ADAMTS7: variants seen among roughly 807,000 people sequenced by gnomAD.
The protein encoded by ADAMTS7 is ADAM metallopeptidase with thrombospondin type 1 motif 7, also known as A disintegrin and metalloproteinase with thrombospondin motifs 7.
In ADAMTS7, 89 loss-of-function variants were observed where a neutral mutation model predicts 172.6. The ratio of observed to expected loss-of-function variants is 0.52; its 90% confidence interval spans 0.43 to 0.61. The LOEUF (loss-of-function observed/expected upper bound fraction) is 0.61, where lower values mean the gene tolerates loss of function less well. Among genes scored for constraint, ADAMTS7 ranks in the 20% least tolerant of loss-of-function variants. The pLI is 0.00. For missense variants in ADAMTS7, 1,973 were observed against 2,355.6 expected, an observed-to-expected ratio of 0.84 and a Z score of 3.36; for synonymous variants, 885 against 978.4, an observed-to-expected ratio of 0.90 and a Z score of 1.78.
chr15:78,776,403 C>T (rs2055346766), intron 10 of ADAMTS7, 70 bp from the exon 11 acceptor site: 1 of 1,549,966 alleles, frequency 6.5e-7, no homozygotes, highest in South Asian at 1.2e-5. Context: ...CTAGTGAGAA[C>T]AAGGTGGGTG....
intron 4 of ADAMTS7, among the ~76,000 whole-genome samples, chr15:78,795,307 C>T (rs2055628817): frequency 6.6e-6 from 1 of 152,214 alleles, no homozygotes; most frequent in African/African-American, 2.4e-5. Context: ...TTGATCTGGG[C>T]CTTCAAGGCC....
Position 78,811,396 on chromosome 15 carries a change from G to A in ADAMTS7, c.-176C>T, listed in dbSNP as rs1015966812. The A allele has an allele frequency of 4.9e-6, 3 of 611,498 alleles. No homozygotes were observed. The highest frequency in any genetic ancestry group is 7.0e-6 in the Non-Finnish European group (3 of 427,180). 37.9% of individuals were successfully genotyped at this position (611,498 alleles called of 1,614,324 possible). On this transcript the variant is annotated 5_prime_UTR_variant, in exon 1 of 24. Transcript: ENST00000388820. The stretch of plus-strand genomic sequence containing the variant: ...GTCCGCGGGCAACAAAGGCTGCAGG[G>A]CCCGCCCCCTTGGCCGCTGCAGAGG...
chr15:78,766,575 A>G lies in ADAMTS7; in HGVS notation c.3336T>C (p.Pro1112=), dbSNP rs1237710678. ...PAAPSTGSPV[P]ATEPPAAKEE... ...CCTTGGCTGCAGGAGGCTCTGTGGC[A>G]GGCACGGGGCTACCCGTGGAGGGCG... is the stretch of plus-strand genomic sequence containing the variant. The change falls in exon 19 of 24, where the codon CCT becomes CCC. Residue 1112 remains proline (P), a synonymous_variant. Transcript: ENST00000388820. 10 of 1,604,210 alleles carry G rather than the reference A, an allele frequency of 6.2e-6. No homozygotes were observed. Among genetic ancestry groups the G allele is most frequent in the Admixed American group, 1.7e-5 (1 of 59,394 alleles).
chr15:78,766,541 C>A lies in ADAMTS7; in HGVS notation c.3370G>T (p.Val1124Leu), dbSNP rs777673887. 1.9e-6 allele frequency: 3 copies of A among 1,595,524 alleles called. No homozygotes were observed. In the East Asian group the frequency reaches 6.7e-5, roughly 36 times the overall value. Reference protein sequence around the residue: ...TEPPAAKEEGVLGPWSPSPWP... With the variant: ...TEPPAAKEEGLLGPWSPSPWP... Reference sequence around the variant, plus strand: ...GGGCTCGGGGACCAAGGTCCCAGTACCCCCTCCTCCTTGGCTGCAGGAGGC... The same window carrying A: ...GGGCTCGGGGACCAAGGTCCCAGTAACCCCTCCTCCTTGGCTGCAGGAGGC... Residue 1124 changes from valine to leucine, a missense_variant, in exon 19 of 24, where the codon GTA becomes TTA. By Grantham distance (32) the Val-to-Leu change is conservative. Transcript: ENST00000388820.
At chr15:78,764,466 T>G in intron 20 of ADAMTS7, 89 bp downstream of exon 20, 3 of 1,450,420 alleles carry the variant, frequency 2.1e-6, no homozygotes, top group Non-Finnish European at 9.1e-7. Flanking sequence ...GCCCTCCCCT[T>G]CCCTGCCGCT....
In ADAMTS7 at chr15:78,765,862, G is replaced by C; in HGVS notation, c.4049C>G (p.Pro1350Arg). 2 of 1,538,194 alleles carry C rather than the reference G, an allele frequency of 1.3e-6. No homozygotes were observed. Among genetic ancestry groups the C allele is most frequent in the African/African-American group, 1.4e-5 (1 of 73,368 alleles). The change falls in exon 19 of 24, where the codon CCT becomes CGT. Residue 1350 changes from proline to arginine, a missense_variant. Pro to Arg is a moderately radical substitution (Grantham distance 103). Transcript: ENST00000388820. Reference protein sequence around the residue: ...TLTGLGHMPEPALNPGPKGQP... With the variant: ...TLTGLGHMPERALNPGPKGQP... ...ACCCTTGGGTCCTGGGTTCAGGGCAGGCTCAGGCATGTGCCCGAGGCCAGT... is the reference window on the plus strand; with the variant it reads ...ACCCTTGGGTCCTGGGTTCAGGGCACGCTCAGGCATGTGCCCGAGGCCAGT...
intron 1 of ADAMTS7, among the ~76,000 whole-genome samples, chr15:78,805,458 A>G (rs543496654): frequency 6.6e-6 from 1 of 152,204 alleles, no homozygotes; most frequent in African/African-American, 2.4e-5. Context: ...TGGAGCAGTG[A>G]GTTCCCTTTA....
rs140051491 is a variant in ADAMTS7, at chr15:78,774,237, G to A, written c.1940C>T (p.Ala647Val). 35 of 1,584,666 alleles carry A rather than the reference G, an allele frequency of 2.2e-5. No homozygotes were observed. In the African/African-American group the frequency reaches 4.4e-4, roughly 20 times the overall value. Residue 647 changes from alanine to valine, a missense_variant, in exon 13 of 24, where the codon GCC becomes GTC. By Grantham distance (64) the Ala-to-Val change is moderately conservative. This residue lies in a region of ADAMTS7 where 526 missense variants were observed against 662.9 expected (regional missense o/e 0.79). Coordinates refer to ENST00000388820, the MANE Select transcript of ADAMTS7 (RefSeq NM_014272.5). ...NEYFAEKLRD[A>V]VVDGTPCYQV... ...GTAGCAGGGGGTGCCATCGACCACG[G>A]CGTCCCGCAGCTTCTCGGCAAAGTA...
chr15:78,806,477 C>G (rs558044144), intron 1 of ADAMTS7, among the ~76,000 whole-genome samples: 1 of 152,166 alleles, frequency 6.6e-6, no homozygotes, highest in Non-Finnish European at 1.5e-5. Context: ...AAATAATGCA[C>G]TATAGAGCAT....
At position 78,777,586 on chromosome 15, in the gene ADAMTS7, C is replaced by T. The variant is rs777473533; in HGVS notation, c.1325G>A (p.Arg442His). 234 of 1,603,178 alleles carry T rather than the reference C, an allele frequency of 1.5e-4. No individual in the cohort carries two copies. The highest frequency in any genetic ancestry group is 1.2e-3 in the South Asian group (103 of 89,192). Residue 442 changes from arginine (R) to histidine (H), a missense_variant and splice_region_variant, in exon 9 of 24, where the codon CGT (arginine) becomes CAT (histidine). Transcript: ENST00000388820. ...SRQYITRFLD[R>H]GWGLCLDDPP... ...GTCGTCCAGGCACAGGCCCCACCCA[C>T]GGCTAAAGATGGGACGGGAGGATGG...
At chr15:78,767,999 G>A in intron 17 of ADAMTS7, 134 bp downstream of exon 17, 1 of 559,516 alleles carries the variant, frequency 1.8e-6, no homozygotes, top group Non-Finnish European at 3.1e-6. Context: ...CCAGATGTAG[G>A]GACCTGTGGC....
At chr15:78,804,349 C>A (rs2055762477) in intron 1 of ADAMTS7, among the ~76,000 whole-genome samples, 1 of 152,200 alleles carries the variant, frequency 6.6e-6, no homozygotes, top group African/African-American at 2.4e-5. Flanking sequence ...GCTTTCCCCC[C>A]TCTTTTCCCT....
intron 1 of ADAMTS7, among the ~76,000 whole-genome samples, chr15:78,801,220 C>T (rs543850186): frequency 6.6e-6 from 1 of 152,302 alleles, no homozygotes; most frequent in East Asian, 1.9e-4. Context: ...CCTGCAATGG[C>T]GCCCATCTCA....
chr15:78,809,282 G>A (rs560010013), intron 1 of ADAMTS7, among the ~76,000 whole-genome samples: 20 of 152,272 alleles, frequency 1.3e-4, no homozygotes, highest in Non-Finnish European at 2.6e-4. Flanking sequence ...AACATTCAGT[G>A]GTAGGAGGAG....
At chr15:78,772,242 C>A (rs1172667915) in intron 14 of ADAMTS7, among the ~76,000 whole-genome samples, 1 of 152,234 alleles carries the variant, frequency 6.6e-6, no homozygotes, top group Non-Finnish European at 1.5e-5. Context: ...CAGCACCTCA[C>A]ATGTGTAAGC....
At position 78,788,231 on chromosome 15, in the gene ADAMTS7, T is replaced by C; in HGVS notation, c.1322A>G (p.Asp441Gly). 6.2e-7 allele frequency: 1 copy of C among 1,613,410 alleles called. No homozygotes were observed. Residue 441 changes from aspartate to glycine, a missense_variant and splice_region_variant, in exon 8 of 24, where the codon GAC becomes GGC. Transcript: ENST00000388820. Reference sequence around the variant, plus strand: ...AGGGGCCCAGGGCTGGGGGACTTACTCAAGGAACCTGGTGATATACTGGCG... The same window carrying C: ...AGGGGCCCAGGGCTGGGGGACTTACCCAAGGAACCTGGTGATATACTGGCG... ...CSRQYITRFL[D>G]RGWGLCLDDP...
At chr15:78,796,821 T>A (rs762062608) in intron 3 of ADAMTS7, 35 bp from the exon 4 acceptor site, 2 of 1,571,040 alleles carry the variant, frequency 1.3e-6, no homozygotes, top group African/African-American at 2.7e-5. Context: ...TAGCTGCCAG[T>A]GGACAGGCCC....
intron 19 of ADAMTS7, 69 bp downstream of exon 19, chr15:78,765,576 T>C: frequency 6.3e-7 from 1 of 1,597,136 alleles, no homozygotes; most frequent in Non-Finnish European, 8.5e-7. Flanking sequence ...ACTCTGCTCA[T>C]TTTCAGATGA....
chr15:78,789,890 C>A, intron 6 of ADAMTS7, 52 bp from the exon 7 acceptor site: 1 of 1,537,706 alleles, frequency 6.5e-7, no homozygotes, highest in South Asian at 1.2e-5. Context: ...GTGCCAGGCC[C>A]ACCTGAGCTA....
Sources: gnomAD v4.1 joint callset for allele counts (sites outside exome capture counted in the v4.1 genomes callset) on GRCh38, gnomAD v4.1.1 for gene constraint, gnomAD v4.1.1 regional missense constraint, MANE v1.5 for transcripts, NCBI Gene and HGNC (gene_info 2026-07-23, HGNC 2026-07-21) for gene names.